ZFHX3: variants seen among roughly 807,000 people sequenced by gnomAD.
The protein encoded by ZFHX3 is zinc finger homeobox 3, also known as zinc finger homeobox protein 3.
A neutral mutation model predicts 279.1 loss-of-function variants in ZFHX3; 42 were observed. The ratio of observed to expected loss-of-function variants is 0.15; its 90% confidence interval spans 0.12 to 0.19. The LOEUF (loss-of-function observed/expected upper bound fraction) is 0.19. Ranked by LOEUF, ZFHX3 falls within the 10% of genes least tolerant of loss-of-function variation. ZFHX3 has a pLI of 1.00. For missense variants in ZFHX3, 4,981 were observed against 4,754.0 expected, an observed-to-expected ratio of 1.05 and a Z score of -1.40; for synonymous variants, 2,293 against 1,957.8, an observed-to-expected ratio of 1.17 and a Z score of -4.52.
At position 72,889,785 on chromosome 16, in the gene ZFHX3, C is replaced by A. The variant is rs773343047; in HGVS notation, c.3394G>T (p.Asp1132Tyr). The A allele has an allele frequency of 6.2e-7, 1 of 1,613,474 alleles. No homozygotes were observed. The highest frequency in any genetic ancestry group is 1.1e-5 in the South Asian group (1 of 91,042). ...GTGAAGATCTGCCCCAGGTCCTCGT[C>A]CTCCTCTGGAAGGCCCTTCTGCAGC... is the stretch of plus-strand genomic sequence containing the variant. ...QRLQKGLPEE[D>Y]EDLGQIFTIR... Residue 1132 changes from aspartate to tyrosine, a missense_variant, in exon 4 of 10, where the codon GAC becomes TAC. By Grantham distance (160) the Asp-to-Tyr change is radical. Transcript: ENST00000268489.
Position 73,122,217 on chromosome 16 carries a change from T to A in ZFHX3, c.-897+8751A>T, listed in dbSNP as rs567189811. 1.1e-4 allele frequency among the ~76,000 whole-genome samples: 16 copies of A among 152,178 alleles called. No individual in the cohort carries two copies. In the South Asian group the frequency reaches 3.1e-3, roughly 30 times the overall value. On this transcript the variant is annotated intron_variant, in intron 7 of 17. Coordinates refer to the ZFHX3 transcript ENST00000641206. ...ATAATTTCACATACAACTGCTCTTT[T>A]TTTTTTAAGATGGAGTCTCACTCTG...
intron 2 of ZFHX3, among the ~76,000 whole-genome samples, chr16:72,951,528 C>G (rs1379976847): frequency 1.3e-5 from 2 of 152,198 alleles, no homozygotes; most frequent in Admixed American, 1.3e-4. Flanking sequence ...ACCCAAAGTG[C>G]TAGAATGACA....
chr16:73,431,351 T>A (rs2017907988), intron 3 of ZFHX3, among the ~76,000 whole-genome samples: 1 of 151,782 alleles, frequency 6.6e-6, no homozygotes, highest in South Asian at 2.1e-4. Context: ...ACCAGCACGA[T>A]CAATATGGTA....
intron 3 of ZFHX3, among the ~76,000 whole-genome samples, chr16:73,453,254 T>C (rs956078100): frequency 3.3e-5 from 5 of 152,258 alleles, no homozygotes; most frequent in African/African-American, 9.6e-5. Context: ...TTGTAACTAG[T>C]TGATTCCCCA....
intron 3 of ZFHX3, chr16:73,387,224 C>T (rs577520952): frequency 1.3e-5 from 2 of 152,332 alleles, no homozygotes; most frequent in African/African-American, 4.8e-5. Flanking sequence ...TTCGCGAACG[C>T]TGAGAGCAGC....
intron 4 of ZFHX3, among the ~76,000 whole-genome samples, chr16:72,848,807 C>A (rs1195213595): frequency 6.6e-6 from 1 of 152,060 alleles, no homozygotes; most frequent in Non-Finnish European, 1.5e-5. Flanking sequence ...ATACCTTCTT[C>A]CTCCCTCTTT....
chr16:72,940,945 G>A (rs184080055), intron 3 of ZFHX3, among the ~76,000 whole-genome samples: 3 of 152,264 alleles, frequency 2.0e-5, no homozygotes, highest in South Asian at 2.1e-4. Flanking sequence ...CCCTATTAGC[G>A]ACCTATACAC....
chr16:73,454,904 TAA>T (rs57645704), intron 3 of ZFHX3, among the ~76,000 whole-genome samples: 1 of 142,542 alleles, frequency 7.0e-6, no homozygotes, highest in Non-Finnish European at 1.5e-5. Flanking sequence ...ATAAGACAGT[TAA>T]AAAAAAAAAA....
intron 3 of ZFHX3, among the ~76,000 whole-genome samples, chr16:73,373,411 T>C (rs905894931): frequency 5.9e-5 from 9 of 152,158 alleles, no homozygotes; most frequent in African/African-American, 1.7e-4. Context: ...GAGATGGACC[T>C]TTGTGGGGCA....
chr16:73,861,008 G>T (rs1961869402), intron 1 of ZFHX3, among the ~76,000 whole-genome samples: 2 of 150,382 alleles, frequency 1.3e-5, no homozygotes, highest in Non-Finnish European at 3.0e-5. Context: ...TTTGAGACAG[G>T]ATCACCCAGG....
At chr16:73,377,654 T>A (rs976621673) in intron 3 of ZFHX3, among the ~76,000 whole-genome samples, 2 of 150,424 alleles carry the variant, frequency 1.3e-5, no homozygotes, top group African/African-American at 4.9e-5. Context: ...ATTTAACCAA[T>A]CCCCATCCCT....
intron 2 of ZFHX3, among the ~76,000 whole-genome samples, chr16:73,495,060 T>C (rs1399085071): frequency 5.9e-5 from 9 of 152,224 alleles, no homozygotes; most frequent in Non-Finnish European, 1.0e-4. Flanking sequence ...TTATTTAGTG[T>C]GTGTCTGCAT....
At chr16:73,549,370 T>G (rs966638487) in intron 2 of ZFHX3, among the ~76,000 whole-genome samples, 1 of 152,100 alleles carries the variant, frequency 6.6e-6, no homozygotes, top group Non-Finnish European at 1.5e-5. Context: ...CACATCACAA[T>G]TCTTGTTGGG....
intron 2 of ZFHX3, among the ~76,000 whole-genome samples, chr16:73,677,884 A>G (rs2052970620): frequency 6.6e-6 from 1 of 152,060 alleles, no homozygotes; most frequent in South Asian, 2.1e-4. Flanking sequence ...TTTCTGGTAC[A>G]TAAGGATGAA....
chr16:73,453,906 G>A (rs1030517749), intron 3 of ZFHX3, among the ~76,000 whole-genome samples: 5 of 152,084 alleles, frequency 3.3e-5, no homozygotes, highest in African/African-American at 1.2e-4. Flanking sequence ...CTTATGATTC[G>A]ATTACCTCCC....
At position 73,373,815 on chromosome 16, in the gene ZFHX3, G is replaced by C. The variant is rs530079976; in HGVS notation, c.-1290-55479C>G. 5.3e-5 allele frequency among the ~76,000 whole-genome samples: 8 copies of C among 152,334 alleles called. No individual in the cohort carries two copies. The East Asian group carries it at 1.5e-3, about 29-fold the overall frequency. ...TGATTTCCCTACACAATACAAGAAA[G>C]TGTAGCTGGAAATTTTGAGTTAACC... On this transcript the variant is annotated intron_variant, in intron 3 of 17. Transcript: ENST00000641206.
chr16:73,047,427 G>T (rs1965337234), intron 1 of ZFHX3, among the ~76,000 whole-genome samples: 1 of 152,144 alleles, frequency 6.6e-6, no homozygotes, highest in Admixed American at 6.5e-5. Flanking sequence ...GCATTTTTAG[G>T]CGGAGGCACC....
At chr16:73,540,412 T>C (rs886775221) in intron 2 of ZFHX3, among the ~76,000 whole-genome samples, 2 of 152,218 alleles carry the variant, frequency 1.3e-5, no homozygotes, top group African/African-American at 4.8e-5. Flanking sequence ...AACCCCTTTT[T>C]TCTTCAGGTC....
In ZFHX3 at chr16:72,958,973, C is replaced by T; in HGVS notation, c.1173G>A (p.Gln391=). 6.2e-7 allele frequency: 1 copy of T among 1,604,540 alleles called. No homozygotes were observed. The highest frequency in any genetic ancestry group is 2.2e-5 in the East Asian group (1 of 44,816). The change falls in exon 2 of 10, where the codon CAG becomes CAA. Residue 391 remains glutamine, a synonymous_variant. Coordinates refer to ENST00000268489, the MANE Select transcript of ZFHX3 (RefSeq NM_006885.4). ...GGGTGCTGGGGGTCAAGAGACCAGC[C>T]TGGGGCTGCTCGGGGCCAGCGGCGG... The part of the protein sequence containing the change: ...AGSAAGPEQP[Q]AGLLTPSTLL...
Sources: gnomAD v4.1 joint callset for allele counts (sites outside exome capture counted in the v4.1 genomes callset) on GRCh38, gnomAD v4.1.1 for gene constraint, MANE v1.5 for transcripts, NCBI Gene and HGNC (gene_info 2026-07-23, HGNC 2026-07-21) for gene names.